Variants in EVA1C observed in about 807,000 individuals in gnomAD.
The protein encoded by EVA1C is protein eva-1 homolog C.
In EVA1C, 25 loss-of-function variants were observed where a neutral mutation model predicts 45.4. The ratio of observed to expected loss-of-function variants is 0.55; its 90% CI spans 0.40 to 0.77. The LOEUF (loss-of-function observed/expected upper bound fraction) is 0.77. Ranked by LOEUF, EVA1C falls within the 30% of genes least tolerant of loss-of-function variation. The pLI is 0.00. For synonymous variants in EVA1C, 190 were observed against 221.2 expected (o/e 0.86, Z 1.25); for missense variants, 479 against 554.8 (o/e 0.86, Z 1.37).
At chr21:32,457,886 AAGAC>A (rs1469877440) in intron 3 of EVA1C, among the ~76,000 whole-genome samples, 166 bp downstream of exon 3, 1 of 152,180 alleles carries the variant, frequency 6.6e-6, no homozygotes, top group African/African-American at 2.4e-5. Context: ...GAGAGAAAGA[AAGAC>A]AGAGAAAGAA....
intron 4 of EVA1C, among the ~76,000 whole-genome samples, chr21:32,479,653 T>C (rs2036705941): frequency 6.6e-6 from 1 of 152,046 alleles, no homozygotes; most frequent in Non-Finnish European, 1.5e-5. Flanking sequence ...CCAGAGTAAC[T>C]GAAAAGTGCA....
intron 5 of EVA1C, among the ~76,000 whole-genome samples, chr21:32,495,622 A>G (rs998868649): frequency 2.6e-5 from 4 of 152,212 alleles, no homozygotes; most frequent in African/African-American, 7.2e-5. Context: ...TTTTATCTAC[A>G]TGCCCACAGT....
chr21:32,513,808 TG>T (rs1175330527), intron 7 of EVA1C, among the ~76,000 whole-genome samples: 6 of 152,106 alleles, frequency 3.9e-5, no homozygotes, highest in African/African-American at 7.2e-5. Flanking sequence ...CCCGAAGTGT[TG>T]GGATTACCAG....
chr21:32,490,094 A>G (rs1426974029), intron 4 of EVA1C, among the ~76,000 whole-genome samples: 1 of 152,120 alleles, frequency 6.6e-6, no homozygotes, highest in African/African-American at 2.4e-5. Context: ...ATGAGCCACC[A>G]TGCCCGGCCT....
At chr21:32,420,121 G>A (rs916200718) in intron 1 of EVA1C, among the ~76,000 whole-genome samples, 2 of 152,144 alleles carry the variant, frequency 1.3e-5, no homozygotes, top group African/African-American at 2.4e-5. Flanking sequence ...CCCTCAGTAT[G>A]AGTAAAAAAG....
chr21:32,499,051 A>G (rs1323559418), intron 5 of EVA1C, among the ~76,000 whole-genome samples: 1 of 152,214 alleles, frequency 6.6e-6, no homozygotes, highest in Non-Finnish European at 1.5e-5. Context: ...CAGCCAATTT[A>G]ACCTTTTCAC....
In EVA1C at chr21:32,467,842, C is replaced by A. The variant is rs200288953; in HGVS notation, c.628C>A (p.Pro210Thr). ...ICSSKAERLP[P>T]FDCLSYSALQ... ...CTCCTCCAAGGCAGAGCGGCTCCCC[C>A]CTTTCGGTATGTGCTTTTGTGTGTG... The change falls in exon 4 of 8, where the codon CCT becomes ACT. Residue 210 changes from proline (P) to threonine (T), a missense_variant. Around this residue, in one of 3 missense-constraint regions of EVA1C, gnomAD observed 366 missense variants for 426.1 expected, o/e 0.86. Coordinates refer to ENST00000300255, the MANE Select transcript of EVA1C (RefSeq NM_058187.5). The A allele has an allele frequency of 4.0e-5, 64 of 1,607,800 alleles. No individual in the cohort carries two copies. Among genetic ancestry groups the A allele is most frequent in the Middle Eastern group, 3.3e-4 (2 of 6,052 alleles).
chr21:32,507,508 C>G (rs890473386), intron 7 of EVA1C, among the ~76,000 whole-genome samples: 1 of 141,378 alleles, frequency 7.1e-6, no homozygotes, highest in Admixed American at 7.0e-5. Flanking sequence ...GTGTCTGTAT[C>G]TGTGTGCATG....
At chr21:32,434,691 C>G (rs901481018) in intron 1 of EVA1C, among the ~76,000 whole-genome samples, 3 of 152,126 alleles carry the variant, frequency 2.0e-5, no homozygotes, top group Non-Finnish European at 2.9e-5. Context: ...CAGATGCACA[C>G]AGGGAGAAGG....
At chr21:32,460,477 G>A (rs990693962) in intron 3 of EVA1C, among the ~76,000 whole-genome samples, 13 of 152,164 alleles carry the variant, frequency 8.5e-5, no homozygotes, top group African/African-American at 2.9e-4. Context: ...CAGACTGTGA[G>A]CATGATGAGA....
rs576395334 is a variant in EVA1C at position 32,416,897 on chromosome 21, T to C, written c.160+3884T>C. Among the ~76,000 whole-genome samples, 5 of 152,334 alleles carry C rather than the reference T, an allele frequency of 3.3e-5. No individual in the cohort carries two copies. The South Asian group carries it at 8.3e-4, about 25-fold the overall frequency. ...GAAACAAGGAGAGTGGGGCAGTCTT[T>C]AAGGCCTTCCTTGTACCCAAATGTC... On this transcript the variant is annotated intron_variant, in intron 1 of 7. Transcript: ENST00000300255.
At chr21:32,495,931 T>C (rs781754619) in intron 5 of EVA1C, among the ~76,000 whole-genome samples, 2 of 152,224 alleles carry the variant, frequency 1.3e-5, no homozygotes, top group African/African-American at 2.4e-5. Context: ...CTCTTGGAAA[T>C]CGCTTTTTCC....
intron 1 of EVA1C, among the ~76,000 whole-genome samples, chr21:32,430,187 G>C (rs945723973): frequency 6.6e-6 from 1 of 152,178 alleles, no homozygotes; most frequent in African/African-American, 2.4e-5. Context: ...CAGTGGAGGT[G>C]CCTCAGTTTA....
intron 7 of EVA1C, among the ~76,000 whole-genome samples, chr21:32,508,739 G>A (rs2037854258): frequency 6.6e-6 from 1 of 151,924 alleles, no homozygotes; most frequent in Admixed American, 6.5e-5. Flanking sequence ...GCCCCAACAG[G>A]GGGAACGCTC....
intron 4 of EVA1C, among the ~76,000 whole-genome samples, chr21:32,472,768 A>T (rs2036424433): frequency 6.6e-6 from 1 of 152,228 alleles, no homozygotes; most frequent in Non-Finnish European, 1.5e-5. Context: ...AGAAACCCTG[A>T]TGTAGAAAGG....
At chr21:32,437,002 A>G (rs2034979831) in intron 1 of EVA1C, among the ~76,000 whole-genome samples, 1 of 152,138 alleles carries the variant, frequency 6.6e-6, no homozygotes. Context: ...TCTACTAAAA[A>G]TATAAAAATT....
In EVA1C at chr21:32,474,293, A is replaced by T. The variant is rs1307371460; in HGVS notation, c.634+6445A>T. Among the ~76,000 whole-genome samples the T allele has an allele frequency of 6.6e-6, 1 of 152,204 alleles. No individual in the cohort carries two copies. The highest frequency in any genetic ancestry group is 1.5e-5 in the Non-Finnish European group (1 of 68,028). On this transcript the variant is annotated intron_variant, in intron 4 of 7. Transcript: ENST00000300255. This position sits in a 1 kb window ranked among gnomAD's most constrained non-coding sequence, Gnocchi z 4.4. Reference sequence around the variant, plus strand: ...ACTCTGCACACTGTAATTGGAATACATCAGTCTTCAGCTGTGGTCCTGCTG... The same window carrying T: ...ACTCTGCACACTGTAATTGGAATACTTCAGTCTTCAGCTGTGGTCCTGCTG...
chr21:32,476,487 C>T (rs779266892), intron 4 of EVA1C, among the ~76,000 whole-genome samples: 1 of 151,964 alleles, frequency 6.6e-6, no homozygotes, highest in Non-Finnish European at 1.5e-5. Flanking sequence ...ACTAAAAATA[C>T]AAAATTAACC....
intron 7 of EVA1C, among the ~76,000 whole-genome samples, chr21:32,511,815 A>G (rs2037964080): frequency 6.6e-6 from 1 of 152,172 alleles, no homozygotes; most frequent in Non-Finnish European, 1.5e-5. Flanking sequence ...CCCAAGAGAA[A>G]CGCTTGCAGG....
Sources: allele counts gnomAD v4.1 joint callset (sites outside exome capture counted in the v4.1 genomes callset), GRCh38; gene constraint gnomAD v4.1.1; regional missense constraint gnomAD v4.1.1; non-coding constraint Gnocchi (gnomAD v3.1); transcripts MANE v1.5; gene names NCBI Gene and HGNC (gene_info 2026-07-23, HGNC 2026-07-21).